Variants in FANCC observed in about 807,000 individuals in gnomAD.
FANCC encodes FA complementation group C.
Under a neutral mutation model 71.3 loss-of-function variants are expected in FANCC, and 55 were observed. That is an observed-to-expected ratio of 0.77 (90% CI 0.62 to 0.97). The LOEUF (loss-of-function observed/expected upper bound fraction) is 0.97, where lower values mean the gene tolerates loss of function less well. Ranked by LOEUF, FANCC falls within the 50% of genes least tolerant of loss-of-function variation. The pLI is 0.00. For missense variants in FANCC, 678 were observed against 670.9 expected, an observed-to-expected ratio of 1.01 and a Z score of -0.12; for synonymous variants, 275 against 244.9, an observed-to-expected ratio of 1.12 and a Z score of -1.15.
chr9:95,301,805 C>T (rs1427240656), intron 1 of FANCC, among the ~76,000 whole-genome samples: 5 of 151,320 alleles, frequency 3.3e-5, no homozygotes, highest in South Asian at 2.1e-4. Context: ...AGGCCTGGCG[C>T]GGTGGCTCAC....
At chr9:95,180,572 A>G (rs1180446724) in intron 4 of FANCC, among the ~76,000 whole-genome samples, 1 of 151,768 alleles carries the variant, frequency 6.6e-6, no homozygotes, top group East Asian at 1.9e-4. Context: ...CTCCTGGCCT[A>G]AAGTGATCCT....
At chr9:95,204,408 A>T (rs1467425445) in intron 4 of FANCC, among the ~76,000 whole-genome samples, 1 of 152,180 alleles carries the variant, frequency 6.6e-6, no homozygotes, top group South Asian at 2.1e-4. Flanking sequence ...GTGAATAGAA[A>T]TCTGCTAAAC....
At chr9:95,257,143 A>G (rs1831713369) in intron 1 of FANCC, among the ~76,000 whole-genome samples, 1 of 152,180 alleles carries the variant, frequency 6.6e-6, no homozygotes, top group Non-Finnish European at 1.5e-5. Flanking sequence ...GAAAATTAAC[A>G]AGGATATTCA....
Position 95,125,080 on chromosome 9 carries a change from A to G in FANCC, c.996+6T>C, listed in dbSNP as rs200934877. 11 of 1,612,826 alleles carry G rather than the reference A, an allele frequency of 6.8e-6. No individual in the cohort carries two copies. The highest frequency in any genetic ancestry group is 1.6e-4 in the Middle Eastern group (1 of 6,062). On this transcript the variant is annotated splice_donor_region_variant and intron_variant, in intron 10 of 14. Coordinates refer to ENST00000289081, the MANE Select transcript of FANCC (RefSeq NM_000136.3). ...ATGAATGAGTAATATATGTGATATA[A>G]CAAACCTGCTTGCTTGCTTTCTCCA...
chr9:95,168,730 T>C (rs1161308881), intron 6 of FANCC, among the ~76,000 whole-genome samples: 1 of 152,176 alleles, frequency 6.6e-6, no homozygotes, highest in Non-Finnish European at 1.5e-5. Context: ...GGTTTTGACA[T>C]GTTGGCCAGG....
intron 1 of FANCC, among the ~76,000 whole-genome samples, chr9:95,302,540 C>T (rs927600349): frequency 2.0e-5 from 3 of 152,226 alleles, no homozygotes; most frequent in Non-Finnish European, 4.4e-5. Context: ...TTTGTCATCT[C>T]AGGAAATAAT....
intron 1 of FANCC, among the ~76,000 whole-genome samples, chr9:95,252,429 GACAA>G (rs1420211479): frequency 6.6e-6 from 1 of 151,876 alleles, no homozygotes; most frequent in Non-Finnish European, 1.5e-5. Context: ...TGATAAAAGA[GACAA>G]ACATTTTATT....
At chr9:95,163,984 C>T (rs567090858) in intron 6 of FANCC, among the ~76,000 whole-genome samples, 1 of 152,282 alleles carries the variant, frequency 6.6e-6, no homozygotes, top group East Asian at 1.9e-4. Flanking sequence ...AATCTTTCAC[C>T]TCCTTAGTTG....
intron 1 of FANCC, among the ~76,000 whole-genome samples, chr9:95,257,692 G>A (rs1186759898): frequency 1.3e-5 from 2 of 152,132 alleles, no homozygotes; most frequent in African/African-American, 4.8e-5. Context: ...GAGCAGAACT[G>A]AAGGAGACAG....
At chr9:95,256,365 A>G (rs2136141001) in intron 1 of FANCC, among the ~76,000 whole-genome samples, 1 of 152,358 alleles carries the variant, frequency 6.6e-6, no homozygotes, top group Middle Eastern at 3.4e-3. Context: ...TCTACAAGCC[A>G]GAAGAAAGTG....
intron 4 of FANCC, among the ~76,000 whole-genome samples, chr9:95,178,101 C>T (rs1826123169): frequency 6.6e-6 from 1 of 151,842 alleles, no homozygotes; most frequent in African/African-American, 2.4e-5. Flanking sequence ...ATGTGTGGAC[C>T]AAGACAATTC....
chr9:95,193,753 T>C (rs976832413), intron 4 of FANCC, among the ~76,000 whole-genome samples: 1 of 152,072 alleles, frequency 6.6e-6, no homozygotes, highest in Non-Finnish European at 1.5e-5. Context: ...GCAATGGCAA[T>C]GAAGAGAAAA....
chr9:95,313,942 A>T (rs1835575285), intron 1 of FANCC, among the ~76,000 whole-genome samples: 1 of 152,256 alleles, frequency 6.6e-6, no homozygotes, highest in Non-Finnish European at 1.5e-5. Context: ...TCAACCTGAT[A>T]AAGTGCATTT....
intron 4 of FANCC, among the ~76,000 whole-genome samples, chr9:95,211,137 C>T (rs1334705951): frequency 6.6e-6 from 1 of 152,174 alleles, no homozygotes; most frequent in Non-Finnish European, 1.5e-5. Context: ...ACAGGCAGCA[C>T]CAGACTGTGA....
chr9:95,155,847 T>G (rs1264528885), intron 6 of FANCC, among the ~76,000 whole-genome samples: 1 of 151,744 alleles, frequency 6.6e-6, no homozygotes, highest in Non-Finnish European at 1.5e-5. Flanking sequence ...GCCTCCCTAG[T>G]AGCTGGGATT....
intron 4 of FANCC, among the ~76,000 whole-genome samples, chr9:95,228,960 T>G (rs1047331350): frequency 5.3e-5 from 8 of 152,028 alleles, no homozygotes; most frequent in African/African-American, 1.9e-4. Context: ...TCACTTTGAA[T>G]AAGACAGGAA....
In FANCC at chr9:95,204,642, G is replaced by C. The variant is rs930333220; in HGVS notation, c.346-32495C>G. 2.8e-4 allele frequency among the ~76,000 whole-genome samples: 42 copies of C among 152,032 alleles called. 1 individual carries two copies. The highest frequency in any genetic ancestry group is 1.2e-4 in the Non-Finnish European group (8 of 68,014). On this transcript the variant is annotated intron_variant, in intron 4 of 14. Transcript: ENST00000289081. ...GAAAATTAAATCTGTCAAAATCCTC[G>C]CTTTTGATATGGTTACCAAACTCCA...
chr9:95,143,051 C>T (rs1174518992), intron 7 of FANCC, among the ~76,000 whole-genome samples: 2 of 152,334 alleles, frequency 1.3e-5, no homozygotes, highest in Middle Eastern at 3.4e-3. Context: ...GACCAACTAG[C>T]TATAAAATCA....
chr9:95,288,254 G>A (rs191835842), intron 1 of FANCC, among the ~76,000 whole-genome samples: 29 of 152,144 alleles, frequency 1.9e-4, no homozygotes, highest in African/African-American at 6.7e-4. Flanking sequence ...CATTATCCAA[G>A]TCGATCATGT....
Sources: gnomAD v4.1 joint callset for allele counts (sites outside exome capture counted in the v4.1 genomes callset) on GRCh38, gnomAD v4.1.1 for gene constraint, MANE v1.5 for transcripts, NCBI Gene and HGNC (gene_info 2026-07-23, HGNC 2026-07-21) for gene names.